The following CNTN4 variants were observed in gnomAD, a reference collection of about 807,000 sequenced individuals.
CNTN4 encodes contactin 4, also known as contactin-4.
Under a neutral mutation model 122.5 loss-of-function variants are expected in CNTN4, and 77 were observed. The observed-to-expected ratio is 0.63, with a 90% CI of 0.52 to 0.76. CNTN4 has a LOEUF of 0.76. CNTN4 is among the 30% of genes least tolerant of loss of function. The pLI, the probability that CNTN4 is intolerant of heterozygous loss-of-function variation, is 0.00. For synonymous variants in CNTN4, 512 were observed against 447.0 expected (o/e 1.15, Z -1.83); for missense variants, 1,256 against 1,259.1 (o/e 1.00, Z 0.04).
intron 2 of CNTN4, among the ~76,000 whole-genome samples, chr3:2,293,286 A>T (rs945342193): frequency 6.6e-5 from 10 of 152,242 alleles, no homozygotes; most frequent in Admixed American, 3.3e-4. Context: ...GTACTATCTT[A>T]TACTGTGACC....
At chr3:2,815,074 T>C (rs1245321766) in intron 6 of CNTN4, among the ~76,000 whole-genome samples, 3 of 152,160 alleles carry the variant, frequency 2.0e-5, no homozygotes, top group Non-Finnish European at 4.4e-5. Context: ...TCTCACCTTA[T>C]ACAAAAAGCA....
intron 2 of CNTN4, among the ~76,000 whole-genome samples, chr3:2,228,428 G>A (rs1361317002): frequency 6.6e-6 from 1 of 152,106 alleles, no homozygotes; most frequent in Non-Finnish European, 1.5e-5. Context: ...CACTACAACA[G>A]TAGAGGTAAG....
intron 3 of CNTN4, among the ~76,000 whole-genome samples, chr3:2,434,130 C>T (rs1262630083): frequency 6.6e-6 from 1 of 152,080 alleles, no homozygotes; most frequent in African/African-American, 2.4e-5. Flanking sequence ...TTACATACTT[C>T]AAAATTGCTG....
At chr3:2,401,091 C>T (rs1018720516) in intron 3 of CNTN4, among the ~76,000 whole-genome samples, 26 of 152,106 alleles carry the variant, frequency 1.7e-4, no homozygotes, top group African/African-American at 6.0e-4. Context: ...CCACTTTGAT[C>T]ACCTGTATTA....
At chr3:2,248,499 T>C (rs2040239704) in intron 2 of CNTN4, among the ~76,000 whole-genome samples, 1 of 151,988 alleles carries the variant, frequency 6.6e-6, no homozygotes, top group Admixed American at 6.6e-5. Context: ...CAGACACTGG[T>C]CTGAAAAAGC....
chr3:2,454,823 A>T (rs1344715955), intron 3 of CNTN4, among the ~76,000 whole-genome samples: 1 of 152,198 alleles, frequency 6.6e-6, no homozygotes, highest in Non-Finnish European at 1.5e-5. Context: ...GAATGTGTGA[A>T]TATTTTTAAA....
intron 4 of CNTN4, among the ~76,000 whole-genome samples, chr3:2,629,873 G>A (rs895259217): frequency 6.6e-6 from 1 of 152,030 alleles, no homozygotes; most frequent in African/African-American, 2.4e-5. Flanking sequence ...GACATTTCCC[G>A]CCAGCCCAAC....
At chr3:2,219,538 C>A (rs999346044) in intron 2 of CNTN4, among the ~76,000 whole-genome samples, 1 of 152,168 alleles carries the variant, frequency 6.6e-6, no homozygotes, top group African/African-American at 2.4e-5. Context: ...ATCCACTGAA[C>A]TGATTACCAA....
At chr3:2,598,824 G>T (rs945114228) in intron 4 of CNTN4, among the ~76,000 whole-genome samples, 1 of 151,666 alleles carries the variant, frequency 6.6e-6, no homozygotes, top group Admixed American at 6.6e-5. Context: ...CATGAAAGGG[G>T]TATTAAAGAT....
intron 10 of CNTN4, among the ~76,000 whole-genome samples, chr3:2,893,292 C>G (rs1182416181): frequency 6.6e-6 from 1 of 152,186 alleles, no homozygotes; most frequent in African/African-American, 2.4e-5. Context: ...AATACTTAAG[C>G]ATCTTACAGC....
chr3:2,238,979 C>T (rs577673325), intron 2 of CNTN4: 1 of 149,300 alleles, frequency 6.7e-6, no homozygotes, highest in East Asian at 2.0e-4. Context: ...CCCGCCTCGG[C>T]CTCCCAAAGT....
At chr3:2,992,388 C>T (rs1695132560) in intron 14 of CNTN4, among the ~76,000 whole-genome samples, 1 of 152,206 alleles carries the variant, frequency 6.6e-6, no homozygotes, top group Admixed American at 6.5e-5. Context: ...CAAATACTCA[C>T]AGAAAGCATA....
At chr3:2,886,783 G>A (rs138779827) in intron 9 of CNTN4, among the ~76,000 whole-genome samples, 31 of 152,202 alleles carry the variant, frequency 2.0e-4, no homozygotes, top group Admixed American at 3.3e-4. Context: ...CAAAGTGCCA[G>A]GATTACAGAT....
chr3:2,450,030 G>A, intron 3 of CNTN4, among the ~76,000 whole-genome samples: 1 of 152,136 alleles, frequency 6.6e-6, no homozygotes, highest in East Asian at 1.9e-4. Context: ...GTACAACATA[G>A]TGCTTATAGT....
At chr3:2,865,414 T>A (rs2093713564) in intron 7 of CNTN4, among the ~76,000 whole-genome samples, 1 of 152,168 alleles carries the variant, frequency 6.6e-6, no homozygotes, top group Non-Finnish European at 1.5e-5. Context: ...GTAATTAGCG[T>A]TCTCTCTACA....
At chr3:2,239,491 G>T (rs769369456) in intron 2 of CNTN4, among the ~76,000 whole-genome samples, 1 of 152,296 alleles carries the variant, frequency 6.6e-6, no homozygotes. Context: ...TGGATCAGCA[G>T]TGTAGAGCAA....
At chr3:2,705,193 C>A (rs1459629311) in intron 4 of CNTN4, among the ~76,000 whole-genome samples, 6 of 150,456 alleles carry the variant, frequency 4.0e-5, no homozygotes, top group Admixed American at 2.0e-4. Flanking sequence ...ATGGTGAAAC[C>A]CCGTCTCTAC....
At chr3:2,470,418 G>T (rs1007574960) in intron 3 of CNTN4, among the ~76,000 whole-genome samples, 1 of 152,016 alleles carries the variant, frequency 6.6e-6, no homozygotes, top group East Asian at 1.9e-4. Flanking sequence ...ATAGTTTTAC[G>T]CTTCTCAACA....
At chr3:2,511,105 C>T (rs2076873782) in intron 3 of CNTN4, among the ~76,000 whole-genome samples, 1 of 152,182 alleles carries the variant, frequency 6.6e-6, no homozygotes, top group Non-Finnish European at 1.5e-5. Flanking sequence ...CTGCTACCCA[C>T]AACCTTCTTG....
Sources: allele counts gnomAD v4.1 joint callset (sites outside exome capture counted in the v4.1 genomes callset), GRCh38; gene constraint gnomAD v4.1.1; transcripts MANE v1.5; gene names NCBI Gene and HGNC (gene_info 2026-07-23, HGNC 2026-07-21).